The following TMEM272 variants were observed in gnomAD, a reference collection of about 807,000 sequenced individuals.
The protein encoded by TMEM272 is transmembrane protein 272.
TMEM272 carries 8 observed loss-of-function variants against 3.7 expected under a neutral mutation model. That is an observed-to-expected ratio of 2.17 (90% CI 1.27 to 3.91). The LOEUF is 3.91. TMEM272 is among the 30% of genes most tolerant of loss of function. TMEM272 has a pLI of 0.00. For missense variants in TMEM272, 166 were observed against 91.5 expected (o/e 1.81, Z -3.32); for synonymous variants, 63 against 39.8 (o/e 1.58, Z -2.20).
the TMEM272 span, among the ~76,000 whole-genome samples, chr13:51,858,439 CA>C: frequency 6.6e-6 from 1 of 152,062 alleles, no homozygotes; most frequent in East Asian, 1.9e-4. Context: ...AAATCAGTAA[CA>C]AAAAGATAAT....
the TMEM272 span, among the ~76,000 whole-genome samples, chr13:51,891,316 G>A: frequency 1.3e-5 from 2 of 151,944 alleles, no homozygotes; most frequent in African/African-American, 4.8e-5. Context: ...TATTTCATTT[G>A]CTTTTTTTCT....
the TMEM272 span, among the ~76,000 whole-genome samples, chr13:51,905,686 T>C: frequency 1.3e-5 from 2 of 152,124 alleles, no homozygotes; most frequent in Non-Finnish European, 2.9e-5. Flanking sequence ...TGCTAGGAAA[T>C]GCAAATTGTA....
intron 3 of TMEM272, among the ~76,000 whole-genome samples, chr13:51,823,098 G>A (rs187652258): frequency 3.1e-4 from 47 of 152,308 alleles, no homozygotes; most frequent in African/African-American, 1.1e-3. Context: ...TTTTGAGACA[G>A]AGTCTTGCTC....
intron 1 of TMEM272, among the ~76,000 whole-genome samples, chr13:51,841,849 A>G (rs1323340325): frequency 6.6e-6 from 1 of 152,186 alleles, no homozygotes; most frequent in African/African-American, 2.4e-5. Flanking sequence ...CTAAAAAAAG[A>G]ATGATGTGCT....
the TMEM272 span, among the ~76,000 whole-genome samples, chr13:51,902,135 G>A: frequency 6.6e-6 from 1 of 152,208 alleles, no homozygotes; most frequent in African/African-American, 2.4e-5. Flanking sequence ...AGAAGCCAAC[G>A]TGCATTGGAT....
intron 3 of TMEM272, among the ~76,000 whole-genome samples, chr13:51,825,532 T>A (rs1956116982): frequency 6.6e-6 from 1 of 152,196 alleles, no homozygotes; most frequent in Non-Finnish European, 1.5e-5. Flanking sequence ...TCGTTGTTGC[T>A]GTTTTGCAAC....
intron 3 of TMEM272, among the ~76,000 whole-genome samples, chr13:51,823,799 C>T (rs956339492): frequency 5.9e-5 from 9 of 152,336 alleles, no homozygotes; most frequent in Admixed American, 2.0e-4. Context: ...TATGACTACA[C>T]CATATTCCAT....
chr13:51,835,653 T>C (rs1295892010), intron 2 of TMEM272, among the ~76,000 whole-genome samples: 1 of 152,268 alleles, frequency 6.6e-6, no homozygotes, highest in African/African-American at 2.4e-5. Flanking sequence ...TTTGCATCTA[T>C]GTACTATTTT....
intron 3 of TMEM272, among the ~76,000 whole-genome samples, chr13:51,823,707 C>A (rs1374113816): frequency 2.0e-5 from 3 of 152,242 alleles, no homozygotes; most frequent in Non-Finnish European, 4.4e-5. Flanking sequence ...GTTTAAATGA[C>A]ATTTAGACTT....
the TMEM272 span, chr13:51,933,234 C>T: frequency 6.6e-5 from 10 of 152,280 alleles, no homozygotes; most frequent in Admixed American, 3.3e-4. Flanking sequence ...AAGAGTGAAG[C>T]CTTCACAGCT....
chr13:51,856,739 G>A, the TMEM272 span, among the ~76,000 whole-genome samples: 1 of 152,170 alleles, frequency 6.6e-6, no homozygotes, highest in African/African-American at 2.4e-5. Context: ...CAAAGGCAAA[G>A]TCTTAAATTA....
the TMEM272 span, chr13:51,865,306 A>T: frequency 1.6e-6 from 2 of 1,271,208 alleles, no homozygotes; most frequent in Non-Finnish European, 2.2e-6. Flanking sequence ...ATACTCATAG[A>T]TCTGTCTTTT....
At chr13:51,910,275 C>G in the TMEM272 span, 11 of 1,425,824 alleles carry the variant, frequency 7.7e-6, no homozygotes, top group South Asian at 6.9e-5. Context: ...CTTCTCAAAG[C>G]TGGCATCCTC....
At chr13:51,881,190 GCT>G in the TMEM272 span, among the ~76,000 whole-genome samples, 2 of 152,178 alleles carry the variant, frequency 1.3e-5, no homozygotes, top group African/African-American at 4.8e-5. Context: ...ACATGCTGAG[GCT>G]CTTACTGTGA....
At chr13:51,911,965 T>G in the TMEM272 span, among the ~76,000 whole-genome samples, 1 of 152,090 alleles carries the variant, frequency 6.6e-6, no homozygotes, top group Non-Finnish European at 1.5e-5. Flanking sequence ...TTCTTTCCTC[T>G]GCCTGGACCA....
chr13:51,889,922 T>G, the TMEM272 span, among the ~76,000 whole-genome samples: 1 of 152,168 alleles, frequency 6.6e-6, no homozygotes, highest in Non-Finnish European at 1.5e-5. Flanking sequence ...ATTACAGGTG[T>G]GAGCCACCAT....
chr13:51,832,672 T>C (rs1956182996), intron 2 of TMEM272, among the ~76,000 whole-genome samples: 1 of 151,992 alleles, frequency 6.6e-6, no homozygotes, highest in Non-Finnish European at 1.5e-5. Context: ...CACCCACCCC[T>C]CTTCTCCAGC....
the TMEM272 span, among the ~76,000 whole-genome samples, chr13:51,874,537 C>T: frequency 0.017 from 2,567 of 152,290 alleles, 56 homozygotes; most frequent in African/African-American, 0.059. Flanking sequence ...ACAGTAGGCG[C>T]TTCTCATCCT....
chr13:51,886,991 A>C, the TMEM272 span, among the ~76,000 whole-genome samples: 2 of 152,186 alleles, frequency 1.3e-5, no homozygotes, highest in Non-Finnish European at 2.9e-5. Context: ...TATATCAGAA[A>C]TTCTACCCAA....
Sources: gnomAD v4.1 joint callset for allele counts (sites outside exome capture counted in the v4.1 genomes callset) on GRCh38, gnomAD v4.1.1 for gene constraint, MANE v1.5 for transcripts, NCBI Gene and HGNC (gene_info 2026-07-23, HGNC 2026-07-21) for gene names.